The following RAB3C variants were observed in gnomAD, a reference collection of about 807,000 sequenced individuals.
RAB3C encodes the protein RAB3C, member RAS oncogene family.
RAB3C carries 17 observed loss-of-function variants against 26.4 expected under a neutral mutation model. The observed-to-expected ratio is 0.64, with a 90% CI of 0.44 to 0.97. The LOEUF (loss-of-function observed/expected upper bound fraction) is 0.97. Ranked by LOEUF, RAB3C falls within the 50% of genes least tolerant of loss-of-function variation. RAB3C has a pLI of 0.00. For synonymous variants in RAB3C, 91 were observed against 95.9 expected (o/e 0.95, Z 0.30); for missense variants, 242 against 281.9 (o/e 0.86, Z 1.01).
chr5:58,714,126 C>G (rs1749119766), intron 2 of RAB3C, among the ~76,000 whole-genome samples: 1 of 152,016 alleles, frequency 6.6e-6, no homozygotes. Context: ...GGAAAAGAGC[C>G]TAAGAAACTT....
chr5:58,641,032 A>G (rs982845347), intron 2 of RAB3C, among the ~76,000 whole-genome samples: 4 of 152,236 alleles, frequency 2.6e-5, no homozygotes, highest in African/African-American at 4.8e-5. Context: ...ATGTTCATAA[A>G]TGAACTGCTT....
At chr5:58,846,348 G>C (rs1406578417) in intron 4 of RAB3C, among the ~76,000 whole-genome samples, 1 of 152,054 alleles carries the variant, frequency 6.6e-6, no homozygotes, top group Non-Finnish European at 1.5e-5. Context: ...CACCCCTCTT[G>C]ATTCCCATTG....
Position 58,714,928 on chromosome 5 carries a change from G to A in RAB3C, c.253-11074G>A, listed in dbSNP as rs138280785. Reference sequence around the variant, plus strand: ...AGTGGTTATTATAGAAAATATTAGTGGGCCAATTTCTTGATAAAAGGATTC... The same window carrying A: ...AGTGGTTATTATAGAAAATATTAGTAGGCCAATTTCTTGATAAAAGGATTC... On this transcript the variant is annotated intron_variant, in intron 2 of 4. Coordinates refer to ENST00000282878, the MANE Select transcript of RAB3C (RefSeq NM_138453.4). Among the ~76,000 whole-genome samples the A allele has an allele frequency of 1.3e-3, 190 of 151,946 alleles. 2 individuals are homozygous for A. The highest frequency in any genetic ancestry group is 2.1e-3 in the Admixed American group (32 of 15,254).
intron 2 of RAB3C, among the ~76,000 whole-genome samples, chr5:58,651,309 A>G (rs761079085): frequency 6.6e-6 from 1 of 151,852 alleles, no homozygotes; most frequent in Non-Finnish European, 1.5e-5. Context: ...TCTCTTTTTC[A>G]TGTTTTCTGT....
At chr5:58,813,633 TACAC>T (rs138105407) in intron 3 of RAB3C, among the ~76,000 whole-genome samples, 1,031 of 16,970 alleles carry the variant, frequency 0.061, 16 homozygotes, top group Non-Finnish European at 0.1. Context: ...TATATATATA[TACAC>T]ACACACACAC....
chr5:58,822,713 G>C (rs927794535), intron 3 of RAB3C: 3 of 454,350 alleles, frequency 6.6e-6, no homozygotes, highest in Non-Finnish European at 1.3e-5. Context: ...CATATAGAAG[G>C]GGATACGGTA....
chr5:58,678,905 C>T (rs1200180302), intron 2 of RAB3C, among the ~76,000 whole-genome samples: 1 of 152,114 alleles, frequency 6.6e-6, no homozygotes, highest in Non-Finnish European at 1.5e-5. Flanking sequence ...CCTATTTCAC[C>T]AGGGAAAGGC....
At chr5:58,638,951 C>T (rs1425966887) in intron 2 of RAB3C, among the ~76,000 whole-genome samples, 1 of 152,166 alleles carries the variant, frequency 6.6e-6, no homozygotes. Context: ...CACACCATGC[C>T]TGCCTTACTG....
chr5:58,635,538 T>G (rs1747271531), intron 2 of RAB3C, among the ~76,000 whole-genome samples: 1 of 152,220 alleles, frequency 6.6e-6, no homozygotes, highest in South Asian at 2.1e-4. Flanking sequence ...CGGAGAATTG[T>G]CATCCTGGGA....
intron 2 of RAB3C, among the ~76,000 whole-genome samples, chr5:58,711,390 G>A (rs1749059708): frequency 6.6e-6 from 1 of 151,946 alleles, no homozygotes; most frequent in Non-Finnish European, 1.5e-5. Context: ...TCTCATTTAT[G>A]GCTTGCAGTT....
At chr5:58,770,223 G>A (rs760552062) in intron 3 of RAB3C, among the ~76,000 whole-genome samples, 48 of 152,100 alleles carry the variant, frequency 3.2e-4, no homozygotes, top group Non-Finnish European at 4.9e-4. Context: ...CTGCTAATGG[G>A]TTATCCACAT....
At chr5:58,790,589 C>T (rs147572773) in intron 3 of RAB3C, among the ~76,000 whole-genome samples, 182 of 152,138 alleles carry the variant, frequency 1.2e-3, no homozygotes, top group Admixed American at 2.4e-3. Flanking sequence ...CAATAAAAAT[C>T]AAATCTAATA....
chr5:58,824,994 T>C (rs1743440535), intron 3 of RAB3C, 44 bp from the exon 4 acceptor site: 1 of 1,426,710 alleles, frequency 7.0e-7, no homozygotes, highest in Non-Finnish European at 9.7e-7. Context: ...TTTATGCTGT[T>C]CTGCTTTCCT....
intron 2 of RAB3C, among the ~76,000 whole-genome samples, chr5:58,637,959 A>C (rs1488067904): frequency 6.6e-6 from 1 of 152,282 alleles, no homozygotes; most frequent in Admixed American, 6.5e-5. Context: ...GTAGCAACAC[A>C]GGAGTAATTT....
chr5:58,676,926 G>T (rs145741809), intron 2 of RAB3C, among the ~76,000 whole-genome samples: 2 of 152,136 alleles, frequency 1.3e-5, no homozygotes, highest in South Asian at 2.1e-4. Context: ...GTTTACTGGG[G>T]TTATTGTTAA....
chr5:58,607,538 A>G (rs976470439), intron 1 of RAB3C, among the ~76,000 whole-genome samples: 8 of 152,338 alleles, frequency 5.3e-5, no homozygotes, highest in Non-Finnish European at 8.8e-5. Context: ...GCAGGCCAAC[A>G]TTCAAATTCA....
At chr5:58,722,412 C>CAAA (rs146452492) in intron 2 of RAB3C, among the ~76,000 whole-genome samples, 1 of 116,848 alleles carries the variant, frequency 8.6e-6, no homozygotes. Context: ...TAATCAATGC[C>CAAA]AAAAAAAAAA....
chr5:58,666,487 G>C (rs963322415), intron 2 of RAB3C, among the ~76,000 whole-genome samples: 1 of 152,190 alleles, frequency 6.6e-6, no homozygotes. Context: ...ATCACTTGGA[G>C]TATTTGTTAA....
intron 2 of RAB3C, among the ~76,000 whole-genome samples, chr5:58,629,024 C>T (rs2898218): frequency 1.5e-5 from 1 of 66,600 alleles, no homozygotes; most frequent in Non-Finnish European, 2.4e-5. Flanking sequence ...GACCTCACTT[C>T]TGGAAAAAAA....
Sources: allele counts gnomAD v4.1 joint callset (sites outside exome capture counted in the v4.1 genomes callset), GRCh38; gene constraint gnomAD v4.1.1; transcripts MANE v1.5; gene names NCBI Gene and HGNC (gene_info 2026-07-23, HGNC 2026-07-21).